The following ATP11C variants were observed in gnomAD, a reference collection of about 807,000 sequenced individuals.
ATP11C encodes the protein phospholipid-transporting ATPase IG.
A neutral mutation model predicts 97.4 loss-of-function variants in ATP11C; 36 were observed. The observed-to-expected ratio is 0.37, with a 90% confidence interval of 0.28 to 0.49. The LOEUF (loss-of-function observed/expected upper bound fraction) is 0.49, where lower values mean the gene tolerates loss of function less well. Ranked by LOEUF, ATP11C falls within the 20% of genes least tolerant of loss-of-function variation. The probability of loss-of-function intolerance (pLI) is 0.98; values close to 1 mark genes in which losing one functional copy is unlikely to be tolerated. For synonymous variants in ATP11C, 275 were observed against 290.9 expected (o/e 0.95, Z 0.56); for missense variants, 730 against 824.6 (o/e 0.89, Z 1.40).
At chrX:139,788,410 C>T (rs892967919) in intron 13 of ATP11C, 67 bp from the exon 14 acceptor site, 6 of 969,208 alleles carry the variant, frequency 6.2e-6, no homozygotes, top group East Asian at 6.2e-5. Flanking sequence ...AGGCAGTGAA[C>T]GGAGAAAATA....
intron 1 of ATP11C, among the ~76,000 whole-genome samples, chrX:139,859,930 G>A (rs1178366982): frequency 5.7e-5 from 5 of 88,183 alleles, no homozygotes; most frequent in Non-Finnish European, 9.7e-5. Context: ...GTGAAACCCC[G>A]TCTCTACTAA....
At chrX:139,772,674 G>C (rs140758186) in intron 19 of ATP11C, among the ~76,000 whole-genome samples, 4,820 of 111,697 alleles carry the variant, frequency 0.043, 265 homozygotes, top group African/African-American at 0.15. Context: ...TTTAATAATT[G>C]ACTGCCCTGC....
chrX:139,851,904 T>G (rs976460648), intron 1 of ATP11C, among the ~76,000 whole-genome samples: 8 of 111,902 alleles, frequency 7.1e-5, no homozygotes, highest in Non-Finnish European at 1.5e-4. Flanking sequence ...ACATAACTTG[T>G]TCATTTCACA....
rs2082074350 is a variant in ATP11C, at chrX:139,763,346, T to C, written c.2464A>G (p.Ser822Gly). ...CCCACATGGGATTCCAAGATCATAC[T>C]AACATCATTGGCACCATCACCTATC... ...LSIGDGANDV[S>G]MILESHVGIG... Residue 822 changes from serine (S) to glycine (G), a missense_variant, in exon 21 of 30, where the codon AGT (serine) becomes GGT (glycine). Coordinates refer to ENST00000682941, the MANE Select transcript of ATP11C (RefSeq NM_001353812.2). The C allele has an allele frequency of 8.3e-7, 1 of 1,210,035 alleles. No homozygotes were observed. Among genetic ancestry groups the C allele is most frequent in the East Asian group, 3.0e-5 (1 of 33,838 alleles).
chrX:139,915,636 G>A (rs2085143222), intron 1 of ATP11C, among the ~76,000 whole-genome samples: 1 of 109,855 alleles, frequency 9.1e-6, no homozygotes, highest in African/African-American at 3.3e-5. Flanking sequence ...TCCAGCCTGG[G>A]TGACAGAGCA....
chrX:139,911,611 A>G (rs1004789744), intron 1 of ATP11C, among the ~76,000 whole-genome samples: 2 of 111,344 alleles, frequency 1.8e-5, no homozygotes, highest in Non-Finnish European at 3.8e-5. Flanking sequence ...CGTATGTGAG[A>G]CTTCCTATAC....
Position 139,737,434 on chromosome X carries a change from G to C in ATP11C, c.3288+482C>G, listed in dbSNP as rs1008716454. Among the ~76,000 whole-genome samples, 6 of 110,662 alleles carry C rather than the reference G, an allele frequency of 5.4e-5. No homozygotes were observed. In the Admixed American group the frequency reaches 5.8e-4, roughly 11 times the overall value. Reference sequence around the variant, plus strand: ...GAATTCTCTTTGGTTCAAATATACTGCTGGACAGACAGGGCTAGAAGCAAC... The same window carrying C: ...GAATTCTCTTTGGTTCAAATATACTCCTGGACAGACAGGGCTAGAAGCAAC... On this transcript the variant is annotated intron_variant, in intron 28 of 29. Transcript: ENST00000682941.
intron 23 of ATP11C, among the ~76,000 whole-genome samples, chrX:139,754,396 T>C (rs149786637): frequency 0.013 from 1,476 of 111,167 alleles, 35 homozygotes; most frequent in African/African-American, 0.045. Context: ...CACAGCCAAA[T>C]TCTACCAGAT....
At chrX:139,842,065 T>C (rs912208421) in intron 1 of ATP11C, among the ~76,000 whole-genome samples, 1 of 112,492 alleles carries the variant, frequency 8.9e-6, no homozygotes, top group Non-Finnish European at 1.9e-5. Flanking sequence ...ACAGTCTCCT[T>C]CTGTCGCCCA....
intron 1 of ATP11C, among the ~76,000 whole-genome samples, chrX:139,913,694 T>C (rs1037321902): frequency 9.0e-6 from 1 of 111,102 alleles, no homozygotes; most frequent in Non-Finnish European, 1.9e-5. Context: ...GTAATTTTCC[T>C]TTACCTACCC....
At chrX:139,849,985 G>A (rs780929228) in intron 1 of ATP11C, among the ~76,000 whole-genome samples, 4 of 111,801 alleles carry the variant, frequency 3.6e-5, no homozygotes, top group African/African-American at 9.8e-5. Flanking sequence ...AACAGAAGCC[G>A]AGCCCTCAAC....
intron 1 of ATP11C, among the ~76,000 whole-genome samples, chrX:139,832,619 C>G (rs1320954579): frequency 8.9e-6 from 1 of 112,299 alleles, no homozygotes; most frequent in African/African-American, 3.2e-5. Flanking sequence ...TGGGGCTAAA[C>G]AATAAGCTTC....
intron 19 of ATP11C, among the ~76,000 whole-genome samples, chrX:139,773,746 T>C (rs1289130668): frequency 8.9e-6 from 1 of 112,482 alleles, no homozygotes; most frequent in East Asian, 2.8e-4. Flanking sequence ...TTTTTAAAGC[T>C]TGCTTAAACA....
intron 1 of ATP11C, among the ~76,000 whole-genome samples, chrX:139,894,775 AAAAAT>A (rs1431455766): frequency 1.8e-5 from 2 of 112,324 alleles, no homozygotes; most frequent in African/African-American, 6.5e-5. Context: ...ATGTATCAAT[AAAAAT>A]AATAAAAAAC....
rs753904841 is a variant in ATP11C, at chrX:139,750,383, C to G, written c.2701-231G>C. 2.0e-3 allele frequency among the ~76,000 whole-genome samples: 222 copies of G among 111,561 alleles called. 1 individual carries two copies. Among genetic ancestry groups the G allele is most frequent in the African/African-American group, 7.0e-3 (216 of 30,787 alleles). ...ACCTCCCCTTTAACAGAATCTTATTCAGAATGTTTACATGCTATAAGCTGC... is the reference window on the plus strand; with the variant it reads ...ACCTCCCCTTTAACAGAATCTTATTGAGAATGTTTACATGCTATAAGCTGC... On this transcript the variant is annotated intron_variant, in intron 23 of 29. Coordinates refer to ENST00000682941, the MANE Select transcript of ATP11C (RefSeq NM_001353812.2).
intron 1 of ATP11C, among the ~76,000 whole-genome samples, chrX:139,870,444 T>A (rs1224048464): frequency 8.9e-6 from 1 of 112,472 alleles, no homozygotes; most frequent in Admixed American, 9.5e-5. Flanking sequence ...AACAGCAAAA[T>A]GTATAAACTT....
chrX:139,840,472 A>G (rs59928880), intron 1 of ATP11C, among the ~76,000 whole-genome samples: 1,802 of 112,622 alleles, frequency 0.016, 32 homozygotes, highest in African/African-American at 0.054. Context: ...TGATGGTTAC[A>G]GCTATTTCTA....
chrX:139,844,348 T>C (rs1185795565), intron 1 of ATP11C, among the ~76,000 whole-genome samples: 1 of 112,220 alleles, frequency 8.9e-6, no homozygotes, highest in African/African-American at 3.2e-5. Context: ...GGGTAAGCAC[T>C]AGACTGGAAG....
chrX:139,751,648 T>C (rs1220082868), intron 23 of ATP11C, among the ~76,000 whole-genome samples: 2 of 111,776 alleles, frequency 1.8e-5, no homozygotes, highest in South Asian at 3.7e-4. Context: ...TGTTTCACTA[T>C]GGTACTTTAA....
Sources: allele counts gnomAD v4.1 joint callset (sites outside exome capture counted in the v4.1 genomes callset), GRCh38; gene constraint gnomAD v4.1.1; transcripts MANE v1.5; gene names NCBI Gene and HGNC (gene_info 2026-07-23, HGNC 2026-07-21).